The following RASSF8 variants were observed in gnomAD, a reference collection of about 807,000 sequenced individuals.
The protein encoded by RASSF8 is ras association domain-containing protein 8.
RASSF8 carries 22 observed loss-of-function variants against 48.5 expected under a neutral mutation model. The ratio of observed to expected loss-of-function variants is 0.45; its 90% CI spans 0.32 to 0.65. RASSF8 has a LOEUF of 0.65. Among genes scored for constraint, RASSF8 ranks in the 30% least tolerant of loss-of-function variants. The pLI is 0.03. For missense variants in RASSF8, 418 were observed against 489.2 expected, an observed-to-expected ratio of 0.85 and a Z score of 1.37; for synonymous variants, 127 against 171.5, an observed-to-expected ratio of 0.74 and a Z score of 2.03.
At chr12:26,009,741 C>T (rs931291720) in intron 2 of RASSF8, among the ~76,000 whole-genome samples, 2 of 152,098 alleles carry the variant, frequency 1.3e-5, no homozygotes, top group Non-Finnish European at 1.5e-5. Context: ...GACAAACTGA[C>T]CCTTATATTT....
intron 1 of RASSF8, among the ~76,000 whole-genome samples, chr12:25,990,916 C>G (rs1357061397): frequency 6.6e-6 from 1 of 152,172 alleles, no homozygotes; most frequent in Non-Finnish European, 1.5e-5. Context: ...AAAATACACA[C>G]ACACACACAC....
rs1333682821 is a variant in RASSF8 at position 26,048,920 on chromosome 12, A to AT, written c.-108-6307dup. 1.6e-3 allele frequency among the ~76,000 whole-genome samples: 245 copies of AT among 150,670 alleles called. 1 individual carries two copies. Among genetic ancestry groups the AT allele is most frequent in the African/African-American group, 5.5e-3 (226 of 41,058 alleles). On this transcript the variant is annotated intron_variant, in intron 2 of 5. Coordinates refer to ENST00000689635, the MANE Select transcript of RASSF8 (RefSeq NM_001394098.1). ...AGGTGCCCACCACCATACCCAGCTAATTTTTTTTTGTATTTTTAGTAGAGA... is the reference window on the plus strand; with the variant it reads ...AGGTGCCCACCACCATACCCAGCTAATTTTTTTTTTGTATTTTTAGTAGAGA...
intron 2 of RASSF8, among the ~76,000 whole-genome samples, chr12:26,041,613 A>G (rs1263662714): frequency 6.6e-6 from 1 of 152,168 alleles, no homozygotes; most frequent in African/African-American, 2.4e-5. Context: ...ACACCCATAT[A>G]TATCTACATA....
chr12:26,014,828 A>G lies in RASSF8; in HGVS notation c.-109+19698A>G, dbSNP rs115265325. 5.9e-3 allele frequency among the ~76,000 whole-genome samples: 895 copies of G among 152,292 alleles called. 5 individuals carry two copies. The highest frequency in any genetic ancestry group is 0.02 in the African/African-American group (843 of 41,570). On this transcript the variant is annotated intron_variant, in intron 2 of 5. Coordinates refer to ENST00000689635, the MANE Select transcript of RASSF8 (RefSeq NM_001394098.1). ...ATTGTGGAAATAAAAACTTGTTAAG[A>G]TTAGGATTATAGCTTTTGTTTATTT... is the stretch of plus-strand genomic sequence containing the variant.
intron 2 of RASSF8, among the ~76,000 whole-genome samples, chr12:26,050,221 A>T (rs1943462802): frequency 6.6e-6 from 1 of 152,236 alleles, no homozygotes; most frequent in African/African-American, 2.4e-5. Context: ...CAATTTTTGA[A>T]TGTGCTGCTG....
intron 2 of RASSF8, among the ~76,000 whole-genome samples, chr12:26,038,858 GGTCTGTGTCA>G (rs1943206889): frequency 6.6e-6 from 1 of 152,074 alleles, no homozygotes; most frequent in Non-Finnish European, 1.5e-5. Flanking sequence ...CTATCATTCA[GGTCTGTGTCA>G]GTCTTTTCTA....
chr12:26,024,969 G>C (rs988598200), intron 2 of RASSF8, among the ~76,000 whole-genome samples: 1 of 151,760 alleles, frequency 6.6e-6, no homozygotes, highest in South Asian at 2.1e-4. Flanking sequence ...AAAAAAAAAA[G>C]TCAATTTAAT....
intron 3 of RASSF8, among the ~76,000 whole-genome samples, chr12:26,058,546 A>G (rs1408317155): frequency 2.1e-5 from 3 of 141,244 alleles, no homozygotes; most frequent in Non-Finnish European, 4.4e-5. Context: ...GCGCACACAC[A>G]CACACACACA....
chr12:25,978,540 T>C (rs1592225632), intron 1 of RASSF8, among the ~76,000 whole-genome samples: 1 of 152,248 alleles, frequency 6.6e-6, no homozygotes, highest in East Asian at 1.9e-4. Flanking sequence ...AGCAACAAAA[T>C]AGTTTTTGCC....
chr12:26,034,513 A>T (rs558439251), intron 2 of RASSF8, among the ~76,000 whole-genome samples: 8 of 152,180 alleles, frequency 5.3e-5, no homozygotes, highest in Admixed American at 4.6e-4. Flanking sequence ...CACATGTTGG[A>T]CAAGCTTGAT....
rs1016544000 is a variant in RASSF8, at chr12:26,070,590, T to C, written c.*1772T>C. 7.2e-6 allele frequency: 7 copies of C among 967,322 alleles called. No individual in the cohort carries two copies. The highest frequency in any genetic ancestry group is 1.8e-5 in the African/African-American group (1 of 56,776). 59.9% of individuals were successfully genotyped at this position (967,322 alleles called of 1,614,324 possible). On this transcript the variant is annotated 3_prime_UTR_variant, in exon 6 of 6. Coordinates refer to ENST00000689635, the MANE Select transcript of RASSF8 (RefSeq NM_001394098.1). ...TTTGCTCACAATTTATAGTAGTTATTTTCTATCTACCTATATTTAAAATTA... is the reference window on the plus strand; with the variant it reads ...TTTGCTCACAATTTATAGTAGTTATCTTCTATCTACCTATATTTAAAATTA...
At chr12:25,982,651 G>T (rs1028724826) in intron 1 of RASSF8, among the ~76,000 whole-genome samples, 1 of 152,198 alleles carries the variant, frequency 6.6e-6, no homozygotes, top group Non-Finnish European at 1.5e-5. Flanking sequence ...CGTTGAGCTT[G>T]AATTTTCTTG....
chr12:25,979,091 G>C (rs1357335110), intron 1 of RASSF8, among the ~76,000 whole-genome samples: 2 of 152,274 alleles, frequency 1.3e-5, no homozygotes, highest in East Asian at 3.9e-4. Context: ...AGCTCAAAAA[G>C]AAGCTTGGGC....
rs1943996832 is a variant in RASSF8, at chr12:26,071,386, G to C, written c.*2568G>C. 3.2e-6 allele frequency: 3 copies of C among 952,072 alleles called. No homozygotes were observed. Among genetic ancestry groups the C allele is most frequent in the Non-Finnish European group, 3.7e-6 (3 of 800,232 alleles). 59.0% of individuals were successfully genotyped at this position (952,072 alleles called of 1,614,324 possible). ...TGTTCAGGTTCTAAATACTAAATTA[G>C]ATTTCAATGTTTTGTGTTTTTTTTA... On this transcript the variant is annotated 3_prime_UTR_variant, in exon 6 of 6. Coordinates refer to ENST00000689635, the MANE Select transcript of RASSF8 (RefSeq NM_001394098.1).
At chr12:25,983,318 A>G (rs1034436620) in intron 1 of RASSF8, among the ~76,000 whole-genome samples, 1 of 152,268 alleles carries the variant, frequency 6.6e-6, no homozygotes, top group Non-Finnish European at 1.5e-5. Context: ...AAATAGGTTT[A>G]ATGGCAAACT....
chr12:25,969,893 T>C (rs376371365), intron 1 of RASSF8, among the ~76,000 whole-genome samples: 27 of 152,218 alleles, frequency 1.8e-4, no homozygotes, highest in East Asian at 1.5e-3. Flanking sequence ...AATGTGCCAG[T>C]GGCATCCTGG....
At chr12:26,065,466 A>G (rs1399218913) in intron 4 of RASSF8, 79 bp downstream of exon 4, 10 of 1,468,248 alleles carry the variant, frequency 6.8e-6, no homozygotes, top group South Asian at 3.0e-5. Flanking sequence ...ATCATTGTCA[A>G]TTTTTCCTTA....
chr12:26,045,463 T>G (rs1943352823), intron 2 of RASSF8, among the ~76,000 whole-genome samples: 1 of 152,300 alleles, frequency 6.6e-6, no homozygotes, highest in African/African-American at 2.4e-5. Context: ...TATTACCGTT[T>G]CCTCACAAAA....
intron 1 of RASSF8, among the ~76,000 whole-genome samples, chr12:25,993,522 A>G (rs532853906): frequency 5.9e-5 from 9 of 152,222 alleles, no homozygotes; most frequent in Admixed American, 1.3e-4. Flanking sequence ...TAGACTTCAG[A>G]CAGCTCCCAG....
Sources: gnomAD v4.1 joint callset for allele counts (sites outside exome capture counted in the v4.1 genomes callset) on GRCh38, gnomAD v4.1.1 for gene constraint, MANE v1.5 for transcripts, NCBI Gene and HGNC (gene_info 2026-07-23, HGNC 2026-07-21) for gene names.